The following RAB3GAP2 variants were observed in gnomAD, a reference collection of about 807,000 sequenced individuals.
RAB3GAP2 encodes rab3 GTPase-activating protein non-catalytic subunit.
In RAB3GAP2, 87 loss-of-function variants were observed where a neutral mutation model predicts 185.3. The ratio of observed to expected loss-of-function variants is 0.47; its 90% CI spans 0.39 to 0.56. The LOEUF is 0.56. Among genes scored for constraint, RAB3GAP2 ranks in the 20% least tolerant of loss-of-function variants. RAB3GAP2 has a pLI of 0.00. For missense variants in RAB3GAP2, 1,492 were observed against 1,638.2 expected, an observed-to-expected ratio of 0.91 and a Z score of 1.54; for synonymous variants, 554 against 576.1, an observed-to-expected ratio of 0.96 and a Z score of 0.55.
At chr1:220,212,156 C>T (rs190237642) in intron 4 of RAB3GAP2, among the ~76,000 whole-genome samples, 4 of 152,332 alleles carry the variant, frequency 2.6e-5, no homozygotes, top group African/African-American at 9.6e-5. Flanking sequence ...AATGTACCAA[C>T]TTGCATTTCT....
Position 220,150,919 on chromosome 1 carries a change from TATA to T in RAB3GAP2, c.*329_*331del. ...ATTTTAGATAGGAAATATAGAATCT[TATA>T]AGAACATAATCTAAATTATAACCAA... On this transcript the variant is annotated 3_prime_UTR_variant, in exon 35 of 35. Transcript: ENST00000358951. 3.4e-6 allele frequency: 1 copy of T among 290,726 alleles called. No individual in the cohort carries two copies. The highest frequency in any genetic ancestry group is 6.5e-6 in the Non-Finnish European group (1 of 154,562). 18.0% of individuals were successfully genotyped at this position (290,726 alleles called of 1,614,324 possible). A position where few individuals can be genotyped will look rare whatever the true frequency, so the allele number is the denominator to read the frequency against.
intron 1 of RAB3GAP2, chr1:220,254,559 T>C (rs1659999212): frequency 3.8e-6 from 6 of 1,593,310 alleles, no homozygotes; most frequent in Non-Finnish European, 5.2e-6. Context: ...TCTCACTCAC[T>C]TATGTTTGGA....
intron 10 of RAB3GAP2, 132 bp downstream of exon 10, chr1:220,196,118 T>A: frequency 9.9e-7 from 1 of 1,007,166 alleles, no homozygotes. Context: ...TGAGATTAAT[T>A]TTAGTTTCAA....
chr1:220,245,639 G>T (rs1271435912), intron 1 of RAB3GAP2, among the ~76,000 whole-genome samples: 1 of 151,786 alleles, frequency 6.6e-6, no homozygotes, highest in Non-Finnish European at 1.5e-5. Flanking sequence ...AAAGCAGCCG[G>T]GAAGCCCCAA....
At chr1:220,185,622 T>C in intron 18 of RAB3GAP2, 29 bp downstream of exon 18, 2 of 1,537,624 alleles carry the variant, frequency 1.3e-6, no homozygotes, top group Middle Eastern at 1.7e-4. Flanking sequence ...GTTAAGAACA[T>C]AACCTCCAAT....
At chr1:220,252,100 G>A (rs1659943727) in intron 1 of RAB3GAP2, among the ~76,000 whole-genome samples, 1 of 144,426 alleles carries the variant, frequency 6.9e-6, no homozygotes, top group Non-Finnish European at 1.5e-5. Flanking sequence ...AGGCAGCAGT[G>A]AGCCATGATG....
chr1:220,196,535 C>T, intron 9 of RAB3GAP2, 137 bp from the exon 10 acceptor site: 1 of 922,698 alleles, frequency 1.1e-6, no homozygotes, highest in South Asian at 1.6e-5. Flanking sequence ...ACAAAGTCAA[C>T]ATCAGAAAAT....
At chr1:220,238,431 T>C (rs1659634371) in intron 1 of RAB3GAP2, among the ~76,000 whole-genome samples, 1 of 152,224 alleles carries the variant, frequency 6.6e-6, no homozygotes, top group African/African-American at 2.4e-5. Context: ...TTGCCCAGTT[T>C]TACCTTCTAA....
intron 1 of RAB3GAP2, among the ~76,000 whole-genome samples, chr1:220,271,673 TG>T (rs753157575): frequency 6.6e-5 from 10 of 151,896 alleles, no homozygotes; most frequent in Non-Finnish European, 1.3e-4. Flanking sequence ...AAAATCTGAA[TG>T]GGGGAAATGC....
intron 19 of RAB3GAP2, among the ~76,000 whole-genome samples, 179 bp downstream of exon 19, chr1:220,183,857 T>C (rs1571887544): frequency 6.6e-6 from 1 of 152,128 alleles, no homozygotes; most frequent in East Asian, 1.9e-4. Context: ...TCAGCACTTG[T>C]ATAAATAATA....
chr1:220,253,474 C>T (rs1009513421), intron 1 of RAB3GAP2: 1 of 1,501,850 alleles, frequency 6.7e-7, no homozygotes. Flanking sequence ...CTGGCAGTGC[C>T]TGACGGCGCG....
At chr1:220,173,762 T>A (rs908704703) in intron 21 of RAB3GAP2, among the ~76,000 whole-genome samples, 13 of 152,206 alleles carry the variant, frequency 8.5e-5, no homozygotes, top group African/African-American at 3.1e-4. Context: ...TTGACACACC[T>A]GTAATCCCAG....
intron 7 of RAB3GAP2, chr1:220,207,564 G>C (rs1293282705): frequency 6.6e-6 from 1 of 152,242 alleles, no homozygotes; most frequent in Non-Finnish European, 1.5e-5. Context: ...TAAACCAGTG[G>C]GGAAGGGACA....
At chr1:220,232,438 G>T (rs1388198238) in intron 2 of RAB3GAP2, among the ~76,000 whole-genome samples, 1 of 152,134 alleles carries the variant, frequency 6.6e-6, no homozygotes, top group Non-Finnish European at 1.5e-5. Flanking sequence ...CTCTCCACCA[G>T]CCTCTGGTCC....
intron 21 of RAB3GAP2, among the ~76,000 whole-genome samples, chr1:220,173,058 A>G (rs1049435431): frequency 6.6e-6 from 1 of 152,218 alleles, no homozygotes; most frequent in African/African-American, 2.4e-5. Context: ...GTGAGCATAG[A>G]TCTGCTGTTG....
At chr1:220,190,973 T>C in intron 14 of RAB3GAP2, 95 bp downstream of exon 14, 1 of 1,176,368 alleles carries the variant, frequency 8.5e-7, no homozygotes. Flanking sequence ...CTCAAACTTG[T>C]AATCTAATAA....
At chr1:220,267,918 A>G (rs1335671561) in intron 1 of RAB3GAP2, 4 of 722,018 alleles carry the variant, frequency 5.5e-6, no homozygotes, top group Non-Finnish European at 1.0e-5. Context: ...TTGGTCCGTG[A>G]TGCCTATGAC....
rs773667922 is a variant in RAB3GAP2, at chr1:220,206,012, T to A, written c.613-6A>T. 3.2e-6 allele frequency: 5 copies of A among 1,549,340 alleles called. No homozygotes were observed. In the South Asian group the frequency reaches 4.7e-5, roughly 15 times the overall value. ...AAGATACTCAACTCTTCATTCTATT[T>A]AAGAAATAAAAAAAAAAAGTTCTTG... On this transcript the variant is annotated splice_polypyrimidine_tract_variant and splice_region_variant and intron_variant, in intron 7 of 34. Transcript: ENST00000358951.
chr1:220,190,703 G>A (rs913467188), intron 14 of RAB3GAP2, among the ~76,000 whole-genome samples, 183 bp from the exon 15 acceptor site: 1 of 152,120 alleles, frequency 6.6e-6, no homozygotes, highest in Admixed American at 6.5e-5. Context: ...CTGCCTTGTT[G>A]AAAGATTCTA....
Sources: gnomAD v4.1 joint callset for allele counts (sites outside exome capture counted in the v4.1 genomes callset) on GRCh38, gnomAD v4.1.1 for gene constraint, MANE v1.5 for transcripts, NCBI Gene and HGNC (gene_info 2026-07-23, HGNC 2026-07-21) for gene names.